LINGO2: variants seen among roughly 807,000 people sequenced by gnomAD.
LINGO2 encodes the protein leucine rich repeat and Ig domain containing 2, also known as leucine-rich repeat and immunoglobulin-like domain-containing nogo receptor-interacting protein 2.
In LINGO2, 14 loss-of-function variants were observed where a neutral mutation model predicts 30.6. The ratio of observed to expected loss-of-function variants is 0.46; its 90% confidence interval spans 0.30 to 0.72. The LOEUF (loss-of-function observed/expected upper bound fraction) is 0.72, where lower values mean the gene tolerates loss of function less well. LINGO2 is among the 30% of genes least tolerant of loss of function. LINGO2 has a pLI of 0.07. For synonymous variants in LINGO2, 317 were observed against 288.5 expected (o/e 1.10, Z -1.00); for missense variants, 729 against 751.7 (o/e 0.97, Z 0.35).
intron 1 of LINGO2, among the ~76,000 whole-genome samples, chr9:28,650,864 C>A (rs377018022): frequency 6.6e-6 from 1 of 152,120 alleles, no homozygotes; most frequent in African/African-American, 2.4e-5. Flanking sequence ...GGCTTACCAG[C>A]CAATTTTAAA....
At chr9:28,277,851 A>C (rs1183748629) in intron 4 of LINGO2, among the ~76,000 whole-genome samples, 2 of 69,366 alleles carry the variant, frequency 2.9e-5, no homozygotes, top group African/African-American at 1.1e-4. Context: ...AAAAAAAAAC[A>C]AAAAAAAAAA....
At chr9:28,708,669 GCTT>G in the LINGO2 span, among the ~76,000 whole-genome samples, 3 of 152,000 alleles carry the variant, frequency 2.0e-5, no homozygotes, top group Non-Finnish European at 1.5e-5. Context: ...TGTACACGGT[GCTT>G]CTTCGTGTAG....
the LINGO2 span, among the ~76,000 whole-genome samples, chr9:29,129,932 T>C: frequency 6.6e-6 from 1 of 152,104 alleles, no homozygotes; most frequent in Non-Finnish European, 1.5e-5. Context: ...ATGTTGGATA[T>C]GGTCTGTGTA....
At chr9:28,526,076 A>AAAAAAAAAAAAAAAAAC (rs1821025195) in intron 1 of LINGO2, among the ~76,000 whole-genome samples, 1 of 150,106 alleles carries the variant, frequency 6.7e-6, no homozygotes, top group African/African-American at 2.5e-5. Context: ...AAAAAAAAAA[A>AAAAAAAAAAAAAAAAAC]GCCATTGAGT....
At chr9:28,175,052 C>T (rs1179431270) in intron 4 of LINGO2, among the ~76,000 whole-genome samples, 1 of 151,922 alleles carries the variant, frequency 6.6e-6, no homozygotes, top group African/African-American at 2.4e-5. Flanking sequence ...AGGCAGATTT[C>T]GTGTTTAGTA....
At chr9:28,465,617 T>C (rs752582993) in intron 2 of LINGO2, among the ~76,000 whole-genome samples, 3 of 152,062 alleles carry the variant, frequency 2.0e-5, no homozygotes, top group Non-Finnish European at 4.4e-5. Flanking sequence ...TTCATATCAA[T>C]ATCAAGTTAA....
At chr9:28,916,646 T>A in the LINGO2 span, among the ~76,000 whole-genome samples, 1 of 152,224 alleles carries the variant, frequency 6.6e-6, no homozygotes, top group African/African-American at 2.4e-5. Flanking sequence ...GTACCATCCA[T>A]GTATTGATTG....
chr9:27,994,245 A>G (rs963465761), intron 5 of LINGO2, among the ~76,000 whole-genome samples: 4 of 152,102 alleles, frequency 2.6e-5, no homozygotes, highest in African/African-American at 9.7e-5. Context: ...AAAGAACTAG[A>G]AAAGTGAGAA....
chr9:28,980,858 G>A, the LINGO2 span, among the ~76,000 whole-genome samples: 5 of 151,928 alleles, frequency 3.3e-5, no homozygotes, highest in Non-Finnish European at 5.9e-5. Flanking sequence ...TATGAAGAAT[G>A]TAAACTCCAT....
chr9:28,651,687 C>T (rs1024876105), intron 1 of LINGO2, among the ~76,000 whole-genome samples: 2 of 152,088 alleles, frequency 1.3e-5, no homozygotes, highest in Non-Finnish European at 2.9e-5. Flanking sequence ...AAAAAAACAA[C>T]AGCCTTTAGC....
chr9:28,861,565 T>C, the LINGO2 span, among the ~76,000 whole-genome samples: 17 of 150,618 alleles, frequency 1.1e-4, no homozygotes, highest in South Asian at 2.7e-3. Context: ...TCTAGTGAGA[T>C]TGTGTTGCTA....
intron 3 of LINGO2, among the ~76,000 whole-genome samples, chr9:28,348,185 C>T (rs1392941108): frequency 6.6e-6 from 1 of 152,150 alleles, no homozygotes; most frequent in Non-Finnish European, 1.5e-5. Flanking sequence ...CTACAGCTCC[C>T]AGCGTGAGCG....
chr9:27,967,004 G>C (rs1452573924), intron 5 of LINGO2, among the ~76,000 whole-genome samples: 1 of 152,166 alleles, frequency 6.6e-6, no homozygotes, highest in Non-Finnish European at 1.5e-5. Context: ...TCTTTGAAGT[G>C]TGGATATTCT....
the LINGO2 span, among the ~76,000 whole-genome samples, chr9:29,193,463 T>C: frequency 6.6e-6 from 1 of 152,192 alleles, no homozygotes; most frequent in African/African-American, 2.4e-5. Flanking sequence ...GCATCCTCTA[T>C]TCCTTCACTT....
chr9:28,236,908 C>T (rs1165877985), intron 4 of LINGO2, among the ~76,000 whole-genome samples: 3 of 151,890 alleles, frequency 2.0e-5, no homozygotes, highest in Non-Finnish European at 2.9e-5. Flanking sequence ...TTGTTTGTAA[C>T]ACAAAGGACA....
chr9:28,281,363 T>C (rs1445567875), intron 4 of LINGO2, among the ~76,000 whole-genome samples: 2 of 152,154 alleles, frequency 1.3e-5, no homozygotes, highest in Non-Finnish European at 2.9e-5. Flanking sequence ...AGAAGTTGCA[T>C]ATCATTTTCT....
At chr9:28,996,169 G>A in the LINGO2 span, among the ~76,000 whole-genome samples, 77,947 of 150,854 alleles carry the variant, frequency 0.52, 21,175 homozygotes, top group Non-Finnish European at 0.6. Flanking sequence ...CAAACTGTTC[G>A]GCCATCTAAG....
intron 3 of LINGO2, among the ~76,000 whole-genome samples, chr9:28,336,463 G>C (rs1281602366): frequency 6.6e-6 from 1 of 151,736 alleles, no homozygotes; most frequent in Non-Finnish European, 1.5e-5. Context: ...ATTTCTTTTT[G>C]GTAAATGTAA....
At chr9:28,079,201 A>T (rs1825707678) in intron 4 of LINGO2, among the ~76,000 whole-genome samples, 1 of 135,252 alleles carries the variant, frequency 7.4e-6, no homozygotes, top group Admixed American at 7.0e-5. Context: ...ATGAAATTTA[A>T]TATAGATAAC....
Sources: gnomAD v4.1 joint callset for allele counts (sites outside exome capture counted in the v4.1 genomes callset) on GRCh38, gnomAD v4.1.1 for gene constraint, MANE v1.5 for transcripts, NCBI Gene and HGNC (gene_info 2026-07-23, HGNC 2026-07-21) for gene names.